Variants in LRRK2 observed in about 807,000 individuals in gnomAD.
LRRK2 encodes leucine rich repeat kinase 2.
A neutral mutation model predicts 302.6 loss-of-function variants in LRRK2; 203 were observed. The ratio of observed to expected loss-of-function variants is 0.67; its 90% CI spans 0.60 to 0.75. LRRK2 has a LOEUF of 0.75. Ranked by LOEUF, LRRK2 falls within the 30% of genes least tolerant of loss-of-function variation. LRRK2 has a pLI of 0.00. For missense variants in LRRK2, 2,830 were observed against 2,951.0 expected, an observed-to-expected ratio of 0.96 and a Z score of 0.95; for synonymous variants, 1,066 against 1,031.9, an observed-to-expected ratio of 1.03 and a Z score of -0.63.
intron 44 of LRRK2, among the ~76,000 whole-genome samples, chr12:40,352,951 G>C (rs1232717714): frequency 6.6e-6 from 1 of 152,334 alleles, no homozygotes; most frequent in East Asian, 1.9e-4. Context: ...CGTCATCATG[G>C]CCTGTTCTCA....
intron 21 of LRRK2, among the ~76,000 whole-genome samples, chr12:40,294,307 G>A (rs1015939913): frequency 5.3e-5 from 8 of 151,846 alleles, no homozygotes; most frequent in African/African-American, 1.9e-4. Flanking sequence ...ATTTGCATGA[G>A]GAGTCTGATA....
chr12:40,266,608 T>A (rs1018137216), intron 14 of LRRK2, among the ~76,000 whole-genome samples: 4 of 152,092 alleles, frequency 2.6e-5, no homozygotes, highest in Non-Finnish European at 4.4e-5. Flanking sequence ...TCCTCAGGGA[T>A]CTAGAACTAG....
chr12:40,347,863 T>G (rs902245547), intron 42 of LRRK2, among the ~76,000 whole-genome samples: 4 of 151,940 alleles, frequency 2.6e-5, no homozygotes, highest in African/African-American at 4.8e-5. Flanking sequence ...CCAAGGAGGC[T>G]GAGGCACGAG....
intron 10 of LRRK2, among the ~76,000 whole-genome samples, chr12:40,251,817 T>G (rs1438869960): frequency 2.0e-5 from 3 of 152,194 alleles, no homozygotes; most frequent in Non-Finnish European, 4.4e-5. Context: ...CTTTCTATTT[T>G]CTGGCTGATC....
intron 41 of LRRK2, among the ~76,000 whole-genome samples, chr12:40,342,663 GT>G (rs1388232302): frequency 6.6e-6 from 1 of 152,112 alleles, no homozygotes; most frequent in Non-Finnish European, 1.5e-5. Flanking sequence ...CCCCAAAGCA[GT>G]TCTGTTTGGG....
chr12:40,321,357 G>C (rs180879620), intron 35 of LRRK2, among the ~76,000 whole-genome samples, 169 bp downstream of exon 35: 12 of 151,964 alleles, frequency 7.9e-5, no homozygotes, highest in African/African-American at 1.4e-4. Flanking sequence ...TAAAACCTTG[G>C]AGTAGGCAAT....
At position 40,230,715 on chromosome 12, in the gene LRRK2, A is replaced by G. The variant is rs545434256; in HGVS notation, c.238-1559A>G. Among the ~76,000 whole-genome samples, 10 of 149,952 alleles carry G rather than the reference A, an allele frequency of 6.7e-5. 1 individual carries two copies. Among genetic ancestry groups the G allele is most frequent in the Admixed American group, 6.1e-4 (9 of 14,870 alleles). ...ATGTCAAGTATAGTTCTATAGTATA[A>G]TAGAATGAATTGGAGATCCTTTACA... is the stretch of plus-strand genomic sequence containing the variant. On this transcript the variant is annotated intron_variant, in intron 2 of 50. Transcript: ENST00000298910.
chr12:40,274,528 A>G, intron 14 of LRRK2, 55 bp from the exon 15 acceptor site: 1 of 1,586,934 alleles, frequency 6.3e-7, no homozygotes, highest in Non-Finnish European at 8.6e-7. Flanking sequence ...ACTGGTCTTA[A>G]CTAAGGTAAG....
intron 39 of LRRK2, among the ~76,000 whole-genome samples, chr12:40,333,036 G>T (rs1945759985): frequency 6.6e-6 from 1 of 151,540 alleles, no homozygotes; most frequent in Non-Finnish European, 1.5e-5. Flanking sequence ...CAGTAGTCAT[G>T]GGGCAGATCT....
chr12:40,312,139 A>G (rs1945056699), intron 31 of LRRK2, among the ~76,000 whole-genome samples: 1 of 152,136 alleles, frequency 6.6e-6, no homozygotes, highest in African/African-American at 2.4e-5. Flanking sequence ...AGTCACAGAT[A>G]AGATGGTTCA....
intron 23 of LRRK2, among the ~76,000 whole-genome samples, chr12:40,296,027 T>G (rs924639818): frequency 3.9e-5 from 6 of 152,238 alleles, no homozygotes; most frequent in Non-Finnish European, 8.8e-5. Flanking sequence ...CTACCAACTG[T>G]GTGACAATAT....
At chr12:40,242,804 C>CAAA (rs35987733) in intron 6 of LRRK2, among the ~76,000 whole-genome samples, 1 of 20,024 alleles carries the variant, frequency 5.0e-5, no homozygotes, top group Non-Finnish European at 1.1e-4. Context: ...TTCTCCACAT[C>CAAA]AAAAAAAAAA....
At chr12:40,305,391 T>G (rs980174279) in intron 27 of LRRK2, among the ~76,000 whole-genome samples, 6 of 152,128 alleles carry the variant, frequency 3.9e-5, no homozygotes, top group Non-Finnish European at 8.8e-5. Flanking sequence ...CTAAATTGCA[T>G]GCAGGTTTGT....
At chr12:40,234,991 A>G (rs1270191323) in intron 3 of LRRK2, among the ~76,000 whole-genome samples, 1 of 152,174 alleles carries the variant, frequency 6.6e-6, no homozygotes, top group Non-Finnish European at 1.5e-5. Context: ...GACACATAAT[A>G]GTCCCCTGTT....
intron 2 of LRRK2, among the ~76,000 whole-genome samples, chr12:40,226,371 A>G (rs993783452): frequency 2.0e-5 from 3 of 152,144 alleles, no homozygotes; most frequent in African/African-American, 4.8e-5. Context: ...GCACTTAGAG[A>G]TTTGGGGAAC....
In LRRK2 at chr12:40,359,302, G is replaced by A. The variant is rs761017682; in HGVS notation, c.6886G>A (p.Val2296Ile). 3 of 1,612,548 alleles carry A rather than the reference G, an allele frequency of 1.9e-6. No homozygotes were observed. Among genetic ancestry groups the A allele is most frequent in the South Asian group, 2.2e-5 (2 of 91,036 alleles). The stretch of plus-strand genomic sequence containing the variant: ...TTTGAAGATACTAAATATAGGAAAT[G>A]TCAGTACTCCATTGATGTGTTTGAG... ...APLKILNIGN[V>I]STPLMCLSES... Residue 2296 changes from valine to isoleucine, a missense_variant, in exon 47 of 51, where the codon GTC (valine) becomes ATC (isoleucine). Transcript: ENST00000298910.
intron 7 of LRRK2, 90 bp downstream of exon 7, chr12:40,243,771 G>A (rs1941850479): frequency 8.3e-7 from 1 of 1,205,830 alleles, no homozygotes; most frequent in Non-Finnish European, 1.2e-6. Context: ...TGGATAAGTA[G>A]CATATTGACA....
chr12:40,352,153 C>T (rs7137437), intron 44 of LRRK2, among the ~76,000 whole-genome samples: 116,797 of 152,046 alleles, frequency 0.77, 45,718 homozygotes, highest in Non-Finnish European at 0.86. Flanking sequence ...ACATATTGTT[C>T]AGTCATTGGC....
Position 40,303,950 on chromosome 12 carries a change from T to C in LRRK2, c.3593T>C (p.Leu1198Ser). The C allele has an allele frequency of 6.2e-7, 1 of 1,613,632 alleles. No homozygotes were observed. Among genetic ancestry groups the C allele is most frequent in the Non-Finnish European group, 8.5e-7 (1 of 1,179,646 alleles). ...GTCTTTTCTGTGTATTGTTTTAGCT[T>C]GCGGTCTTTAGATATGAGCAGCAAT... ...IPEAILNLPH[L>S]RSLDMSSNDI... Residue 1198 changes from leucine (L) to serine (S), a missense_variant and splice_region_variant, in exon 27 of 51, where the codon TTG becomes TCG. Coordinates refer to ENST00000298910, the MANE Select transcript of LRRK2 (RefSeq NM_198578.4).
Sources: allele counts gnomAD v4.1 joint callset (sites outside exome capture counted in the v4.1 genomes callset), GRCh38; gene constraint gnomAD v4.1.1; transcripts MANE v1.5; gene names NCBI Gene and HGNC (gene_info 2026-07-23, HGNC 2026-07-21).